USP49: variants seen among roughly 807,000 people sequenced by gnomAD.
The protein encoded by USP49 is ubiquitin specific peptidase 49, also known as ubiquitin carboxyl-terminal hydrolase 49.
Under a neutral mutation model 58.6 loss-of-function variants are expected in USP49, and 24 were observed. That is an observed-to-expected ratio of 0.41 (90% CI 0.30 to 0.58). USP49 has a LOEUF of 0.58. Among genes scored for constraint, USP49 ranks in the 20% least tolerant of loss-of-function variants. The pLI is 0.30. For missense variants in USP49, 703 were observed against 866.1 expected (o/e 0.81, Z 2.36); for synonymous variants, 408 against 365.1 (o/e 1.12, Z -1.34).
chr6:41,882,464 T>G (rs1375292516), intron 2 of USP49, among the ~76,000 whole-genome samples: 1 of 152,216 alleles, frequency 6.6e-6, no homozygotes, highest in East Asian at 1.9e-4. Flanking sequence ...TTGCTCCATA[T>G]ACATTAAAAA....
intron 3 of USP49, among the ~76,000 whole-genome samples, chr6:41,854,685 C>T (rs1172978792): frequency 1.3e-5 from 2 of 152,126 alleles, no homozygotes; most frequent in East Asian, 3.8e-4. Flanking sequence ...TGTAAGTGTA[C>T]ACACACGTGT....
chr6:41,806,090 G>T lies in USP49; in HGVS notation c.894C>A (p.Asn298Lys). The T allele has an allele frequency of 6.2e-7, 1 of 1,614,040 alleles. No homozygotes were observed. The highest frequency in any genetic ancestry group is 8.5e-7 in the Non-Finnish European group (1 of 1,180,038). ...GCTTGCCAGAAAGCTGAGTCTTCCC[G>T]TTGGTGGCTTTGGGAAACAGATGTT... is the stretch of plus-strand genomic sequence containing the variant. ...KTEHLFPKAT[N>K]GKTQLSGKPT... Residue 298 changes from asparagine to lysine, a missense_variant, in exon 4 of 8, where the codon AAC becomes AAA. Asn to Lys is a moderately conservative substitution (Grantham distance 94). Transcript: ENST00000682992. This position sits in a 1 kb window ranked among gnomAD's most constrained non-coding sequence, Gnocchi z 5.9.
chr6:41,817,168 G>C (rs56784685), intron 3 of USP49, among the ~76,000 whole-genome samples: 1 of 95,734 alleles, frequency 1.0e-5, no homozygotes, highest in African/African-American at 5.0e-5. Flanking sequence ...TTTTTTTTTT[G>C]AGACAGAGTC....
In USP49 at chr6:41,792,282, G is replaced by T. The variant is rs1490028023; in HGVS notation, c.*4251C>A. ...ACAATCTAAGGTTCACATACAGGGG[G>T]TTTTCTATACTGCTTCCGGACATTT... On this transcript the variant is annotated 3_prime_UTR_variant, in exon 8 of 8. Coordinates refer to ENST00000682992, the MANE Select transcript of USP49 (RefSeq NM_001286554.2). The T allele has an allele frequency of 2.6e-5, 4 of 152,170 alleles. No homozygotes were observed. The highest frequency in any genetic ancestry group is 5.9e-5 in the Non-Finnish European group (4 of 68,044). 9.4% of individuals were successfully genotyped at this position (152,170 alleles called of 1,614,324 possible).
intron 3 of USP49, among the ~76,000 whole-genome samples, chr6:41,851,479 C>A (rs756162648): frequency 2.6e-5 from 4 of 152,136 alleles, no homozygotes; most frequent in Non-Finnish European, 5.9e-5. Context: ...TAGAAGGAAA[C>A]TGCCTCAAAA....
chr6:41,826,522 G>C (rs1017556851), intron 3 of USP49, among the ~76,000 whole-genome samples: 35 of 152,216 alleles, frequency 2.3e-4, no homozygotes, highest in African/African-American at 8.2e-4. Flanking sequence ...TGGGAAGGTG[G>C]GAGCAGGACT....
chr6:41,827,406 T>TC (rs1773558327), intron 3 of USP49, among the ~76,000 whole-genome samples: 2 of 152,284 alleles, frequency 1.3e-5, no homozygotes, highest in Non-Finnish European at 2.9e-5. Flanking sequence ...ACGCCTGTAA[T>TC]CCCAGGACTT....
intron 3 of USP49, among the ~76,000 whole-genome samples, chr6:41,845,325 G>A (rs1773903407): frequency 6.6e-6 from 1 of 152,002 alleles, no homozygotes; most frequent in African/African-American, 2.4e-5. Context: ...ATCACCTCAG[G>A]TCGCAGTTTG....
At chr6:41,817,059 C>CACT (rs1773364641) in intron 3 of USP49, among the ~76,000 whole-genome samples, 1 of 150,744 alleles carries the variant, frequency 6.6e-6, no homozygotes, top group Non-Finnish European at 1.5e-5. Context: ...AGGCTGGACT[C>CACT]AAACTCCTGG....
At chr6:41,875,306 T>G (rs2254474) in intron 2 of USP49, among the ~76,000 whole-genome samples, 67,586 of 151,932 alleles carry the variant, frequency 0.44, 15,298 homozygotes, top group Middle Eastern at 0.51. Flanking sequence ...AGTAAATAAC[T>G]TAACCAAGAT....
intron 3 of USP49, among the ~76,000 whole-genome samples, chr6:41,861,001 C>A (rs548559642): frequency 6.6e-6 from 1 of 152,000 alleles, no homozygotes; most frequent in East Asian, 2.0e-4. Flanking sequence ...TGGTGGCACA[C>A]GCCTGTAATC....
chr6:41,801,280 A>G (rs1188655566), intron 5 of USP49, among the ~76,000 whole-genome samples: 1 of 152,204 alleles, frequency 6.6e-6, no homozygotes, highest in Non-Finnish European at 1.5e-5. Context: ...TGAGCTGTTG[A>G]TATCATGGGC....
intron 3 of USP49, among the ~76,000 whole-genome samples, chr6:41,855,151 A>G (rs1774103077): frequency 6.6e-6 from 1 of 150,730 alleles, no homozygotes; most frequent in African/African-American, 2.4e-5. Context: ...GGAAATAACC[A>G]GTGCTGATGT....
intron 3 of USP49, among the ~76,000 whole-genome samples, chr6:41,867,074 C>T (rs1020496215): frequency 6.6e-6 from 1 of 152,156 alleles, no homozygotes; most frequent in African/African-American, 2.4e-5. Context: ...CTTTAACTGT[C>T]GCTTACGCTG....
intron 3 of USP49, among the ~76,000 whole-genome samples, chr6:41,812,903 T>A (rs1277684567): frequency 1.3e-5 from 2 of 152,202 alleles, no homozygotes; most frequent in African/African-American, 4.8e-5. Context: ...TCATCAATCA[T>A]ATATATCACT....
chr6:41,810,032 G>C (rs1773223687), intron 3 of USP49, among the ~76,000 whole-genome samples: 1 of 144,540 alleles, frequency 6.9e-6, no homozygotes, highest in Non-Finnish European at 1.5e-5. Flanking sequence ...GGTGCCTTTA[G>C]TCCCAGCTGC....
Position 41,805,649 on chromosome 6 carries a change from A to G in USP49, c.1335T>C (p.Phe445=), listed in dbSNP as rs1251881186. The G allele has an allele frequency of 6.2e-7, 1 of 1,613,176 alleles. No individual in the cohort carries two copies. Among genetic ancestry groups the G allele is most frequent in the East Asian group, 2.2e-5 (1 of 44,852 alleles). The change falls in exon 4 of 8, where the codon TTT becomes TTC. Residue 445 remains phenylalanine, a synonymous_variant. Transcript: ENST00000682992. ...ATACCTGACTGAGCAGCTGCCCATG[A>G]AATATGGTATTCACCACCTTTAAGA... ...KQVLKVVNTI[F]HGQLLSQVTC...
chr6:41,867,715 G>A (rs887079511), intron 3 of USP49, among the ~76,000 whole-genome samples: 14 of 152,006 alleles, frequency 9.2e-5, no homozygotes, highest in Non-Finnish European at 1.5e-4. Context: ...TCACGCCACT[G>A]CACTCCAGCC....
At chr6:41,834,085 A>G (rs1297126781) in intron 3 of USP49, among the ~76,000 whole-genome samples, 2 of 152,242 alleles carry the variant, frequency 1.3e-5, no homozygotes, top group African/African-American at 4.8e-5. Context: ...AAATCAAAGT[A>G]GGCAACTAAA....
Sources: gnomAD v4.1 joint callset for allele counts (sites outside exome capture counted in the v4.1 genomes callset) on GRCh38, gnomAD v4.1.1 for gene constraint, Gnocchi (gnomAD v3.1) non-coding constraint, MANE v1.5 for transcripts, NCBI Gene and HGNC (gene_info 2026-07-23, HGNC 2026-07-21) for gene names.